Variants in CSMD1 observed in about 807,000 individuals in gnomAD.
The protein encoded by CSMD1 is CUB and sushi domain-containing protein 1.
Under a neutral mutation model 417.5 loss-of-function variants are expected in CSMD1, and 213 were observed. That is an observed-to-expected ratio of 0.51 (90% CI 0.46 to 0.57). CSMD1 has a LOEUF of 0.57. CSMD1 is among the 20% of genes least tolerant of loss of function. CSMD1 has a pLI of 0.00. For synonymous variants in CSMD1, 2,862 were observed against 1,736.8 expected (o/e 1.65, Z -16.11); for missense variants, 6,923 against 4,529.7 (o/e 1.53, Z -15.17).
chr8:4,002,942 G>C (rs1042975100), intron 4 of CSMD1, among the ~76,000 whole-genome samples: 2 of 152,112 alleles, frequency 1.3e-5, no homozygotes, highest in African/African-American at 4.8e-5. Context: ...CAGAAACTGT[G>C]AATGTTACGG....
At chr8:3,296,393 A>T (rs1285138104) in intron 25 of CSMD1, among the ~76,000 whole-genome samples, 1 of 152,092 alleles carries the variant, frequency 6.6e-6, no homozygotes, top group Non-Finnish European at 1.5e-5. Flanking sequence ...AGAGCAGAGA[A>T]GAATGGGGGT....
At chr8:3,975,483 C>A (rs537547031) in intron 5 of CSMD1, among the ~76,000 whole-genome samples, 2 of 152,230 alleles carry the variant, frequency 1.3e-5, no homozygotes, top group Non-Finnish European at 2.9e-5. Context: ...TGGAGTGACA[C>A]TGTCTCCATC....
At chr8:3,530,969 C>T (rs940250632) in intron 10 of CSMD1, among the ~76,000 whole-genome samples, 4 of 151,876 alleles carry the variant, frequency 2.6e-5, no homozygotes, top group African/African-American at 9.7e-5. Context: ...TCTCCTGCCT[C>T]AGCTTCCTGA....
intron 3 of CSMD1, among the ~76,000 whole-genome samples, chr8:4,344,034 C>T (rs1386869983): frequency 6.6e-6 from 1 of 152,116 alleles, no homozygotes; most frequent in Non-Finnish European, 1.5e-5. Flanking sequence ...TGAATGTATA[C>T]AAATAGGTGT....
intron 1 of CSMD1, among the ~76,000 whole-genome samples, chr8:4,966,276 G>C (rs944503658): frequency 6.6e-6 from 1 of 151,648 alleles, no homozygotes; most frequent in Non-Finnish European, 1.5e-5. Context: ...CTACTTGGGA[G>C]GCTGAGGCAG....
intron 8 of CSMD1, among the ~76,000 whole-genome samples, chr8:3,588,496 G>A (rs1420787093): frequency 1.3e-5 from 2 of 152,092 alleles, no homozygotes; most frequent in African/African-American, 2.4e-5. Flanking sequence ...AGGGATGGGG[G>A]AAGCATTGCT....
rs1563111596 is a variant in CSMD1, at chr8:3,175,490, TGCCTG to T, written c.5725+5615_5725+5619del. Among the ~76,000 whole-genome samples the T allele has an allele frequency of 1.9e-3, 185 of 97,420 alleles. 1 individual carries two copies. The East Asian group carries it at 0.029, about 15-fold the overall frequency. 63.9% of individuals were successfully genotyped at this position (97,420 alleles called of 152,430 possible). A position where few individuals can be genotyped will look rare whatever the true frequency, so the allele number is the denominator to read the frequency against. On this transcript the variant is annotated intron_variant, in intron 37 of 69. Coordinates refer to ENST00000635120, the MANE Select transcript of CSMD1 (RefSeq NM_033225.6). ...TCCTTCTTTTCCCTTCCTTCCTGCCTGCCTGCCTGCCTGCCTGCCTTTTTTCCTTC... is the reference window on the plus strand; with the variant it reads ...TCCTTCTTTTCCCTTCCTTCCTGCCTCCTGCCTGCCTGCCTTTTTTCCTTC...
intron 7 of CSMD1, among the ~76,000 whole-genome samples, chr8:3,680,541 A>G (rs75779829): frequency 2.6e-5 from 4 of 152,284 alleles, no homozygotes; most frequent in Non-Finnish European, 4.4e-5. Context: ...TGAGGTAATA[A>G]TTAATAGCTT....
At chr8:4,358,143 A>C (rs909238261) in intron 3 of CSMD1, among the ~76,000 whole-genome samples, 2 of 152,148 alleles carry the variant, frequency 1.3e-5, no homozygotes, top group Non-Finnish European at 2.9e-5. Flanking sequence ...TATTCTCAAA[A>C]TTTCCATGCA....
At chr8:4,022,733 G>A (rs112995873) in intron 4 of CSMD1, among the ~76,000 whole-genome samples, 1 of 152,158 alleles carries the variant, frequency 6.6e-6, no homozygotes, top group Non-Finnish European at 1.5e-5. Context: ...CAACTCACTG[G>A]ATGAACAGAC....
chr8:3,541,513 T>A (rs1331183652), intron 10 of CSMD1, among the ~76,000 whole-genome samples: 1 of 151,668 alleles, frequency 6.6e-6, no homozygotes, highest in Non-Finnish European at 1.5e-5. Flanking sequence ...CTCCTGCACA[T>A]CTATTCTGGA....
intron 5 of CSMD1, among the ~76,000 whole-genome samples, chr8:3,920,352 T>TGTA: frequency 6.6e-6 from 1 of 151,674 alleles, no homozygotes; most frequent in African/African-American, 2.4e-5. Flanking sequence ...CTAAGATGCG[T>TGTA]GTGTGTTTGT....
chr8:4,725,505 T>C (rs556773581), intron 1 of CSMD1, among the ~76,000 whole-genome samples: 1 of 152,326 alleles, frequency 6.6e-6, no homozygotes, highest in East Asian at 1.9e-4. Flanking sequence ...CACAAGGGCA[T>C]ATCGCACAGA....
chr8:4,100,997 G>A (rs1464719104), intron 3 of CSMD1, among the ~76,000 whole-genome samples: 1 of 152,146 alleles, frequency 6.6e-6, no homozygotes, highest in East Asian at 1.9e-4. Flanking sequence ...GAACTGCGTA[G>A]TCCTAGAAAT....
At chr8:4,080,260 T>C (rs1296743027) in intron 3 of CSMD1, among the ~76,000 whole-genome samples, 1 of 152,182 alleles carries the variant, frequency 6.6e-6, no homozygotes, top group Non-Finnish European at 1.5e-5. Flanking sequence ...TTTTAAACAA[T>C]GACTCCTACT....
intron 1 of CSMD1, among the ~76,000 whole-genome samples, chr8:4,956,244 G>C (rs62489436): frequency 1.5e-5 from 2 of 135,444 alleles, no homozygotes; most frequent in Non-Finnish European, 3.3e-5. Flanking sequence ...CTCCTTACTC[G>C]CTATTTTTTT....
At chr8:4,759,326 C>T (rs1185873938) in intron 1 of CSMD1, among the ~76,000 whole-genome samples, 9 of 152,160 alleles carry the variant, frequency 5.9e-5, no homozygotes, top group Non-Finnish European at 1.2e-4. Context: ...TCTGAAAGCC[C>T]CAGCAGCCAG....
chr8:4,431,770 G>T (rs1797884975), intron 2 of CSMD1, among the ~76,000 whole-genome samples: 1 of 151,964 alleles, frequency 6.6e-6, no homozygotes, highest in South Asian at 2.1e-4. Context: ...CAGTAACCTG[G>T]CATGTATTAG....
chr8:4,252,032 C>G (rs1023553871), intron 3 of CSMD1, among the ~76,000 whole-genome samples: 5 of 152,048 alleles, frequency 3.3e-5, no homozygotes, highest in Non-Finnish European at 5.9e-5. Context: ...GTTGTGTTTA[C>G]TTGAATTTCT....
Sources: allele counts gnomAD v4.1 joint callset (sites outside exome capture counted in the v4.1 genomes callset), GRCh38; gene constraint gnomAD v4.1.1; transcripts MANE v1.5; gene names NCBI Gene and HGNC (gene_info 2026-07-23, HGNC 2026-07-21).